AGTPBP1: variants seen among roughly 807,000 people sequenced by gnomAD.
AGTPBP1 encodes the protein ATP/GTP binding carboxypeptidase 1, also known as cytosolic carboxypeptidase 1.
In AGTPBP1, 70 loss-of-function variants were observed where a neutral mutation model predicts 143.9. That is an observed-to-expected ratio of 0.49 (90% CI 0.40 to 0.59). AGTPBP1 has a LOEUF of 0.59. AGTPBP1 is among the 20% of genes least tolerant of loss of function. The pLI, the probability that AGTPBP1 is intolerant of heterozygous loss-of-function variation, is 0.00. For synonymous variants in AGTPBP1, 463 were observed against 500.2 expected (o/e 0.93, Z 0.99); for missense variants, 1,229 against 1,464.5 (o/e 0.84, Z 2.62).
chr9:85,698,859 A>AT (rs926748788), intron 2 of AGTPBP1, among the ~76,000 whole-genome samples: 5 of 151,228 alleles, frequency 3.3e-5, no homozygotes, highest in African/African-American at 1.2e-4. Context: ...CGCCCAGCTC[A>AT]TTTTTTTGTA....
At chr9:85,614,465 T>G (rs1255055613) in intron 17 of AGTPBP1, among the ~76,000 whole-genome samples, 1 of 151,852 alleles carries the variant, frequency 6.6e-6, no homozygotes, top group Non-Finnish European at 1.5e-5. Flanking sequence ...GGTGAAGGCA[T>G]AAAAAAACTT....
intron 17 of AGTPBP1, among the ~76,000 whole-genome samples, chr9:85,598,445 A>T (rs1829437484): frequency 6.6e-6 from 1 of 152,188 alleles, no homozygotes; most frequent in Non-Finnish European, 1.5e-5. Context: ...CTTGTTGATT[A>T]TATTATTCAA....
chr9:85,694,891 A>C (rs1836127862), intron 2 of AGTPBP1, among the ~76,000 whole-genome samples: 1 of 152,208 alleles, frequency 6.6e-6, no homozygotes, highest in Non-Finnish European at 1.5e-5. Flanking sequence ...ACAAATTCAC[A>C]TGAATTCAGT....
rs370875692 is a variant in AGTPBP1 at position 85,735,126 on chromosome 9, A to G, written c.-34+6649T>C. ...AAGCAGCATTATTCACAAGCAACCCAAGTGTCCATTCATCAACGGATGAAT... is the reference window on the plus strand; with the variant it reads ...AAGCAGCATTATTCACAAGCAACCCGAGTGTCCATTCATCAACGGATGAAT... On this transcript the variant is annotated intron_variant, in intron 1 of 25. Coordinates refer to ENST00000357081, the MANE Select transcript of AGTPBP1 (RefSeq NM_001330701.2). 1.1e-4 allele frequency among the ~76,000 whole-genome samples: 17 copies of G among 152,348 alleles called. No homozygotes were observed. The East Asian group carries it at 2.5e-3, about 22-fold the overall frequency.
intron 2 of AGTPBP1, among the ~76,000 whole-genome samples, chr9:85,707,411 G>A (rs1196442667): frequency 6.6e-6 from 1 of 151,942 alleles, no homozygotes; most frequent in Non-Finnish European, 1.5e-5. Context: ...AAAGAAACAT[G>A]CAAAATCATA....
At chr9:85,685,117 T>A (rs1430024092) in intron 3 of AGTPBP1, among the ~76,000 whole-genome samples, 1 of 151,380 alleles carries the variant, frequency 6.6e-6, no homozygotes, top group Admixed American at 6.6e-5. Flanking sequence ...GATATAAGCC[T>A]CAACAACAGC....
At chr9:85,682,172 T>TAAAAAAAAAAA (rs745339958) in intron 3 of AGTPBP1, among the ~76,000 whole-genome samples, 1 of 85,830 alleles carries the variant, frequency 1.2e-5, no homozygotes, top group Non-Finnish European at 2.3e-5. Flanking sequence ...TAGGATTGGT[T>TAAAAAAAAAAA]AAAAAAAAAA....
chr9:85,550,193 G>GAC (rs1286113229), intron 25 of AGTPBP1, among the ~76,000 whole-genome samples: 782 of 57,056 alleles, frequency 0.014, 15 homozygotes, highest in African/African-American at 0.046. Flanking sequence ...GTGTGTGTGT[G>GAC]TGAGAGAGAG....
chr9:85,549,543 T>G (rs1027963290), intron 25 of AGTPBP1, among the ~76,000 whole-genome samples: 2 of 152,040 alleles, frequency 1.3e-5, no homozygotes, highest in African/African-American at 4.8e-5. Flanking sequence ...TATTGCAGAG[T>G]TAATCAATTT....
At chr9:85,605,854 T>C (rs1829958400) in intron 17 of AGTPBP1, among the ~76,000 whole-genome samples, 1 of 152,000 alleles carries the variant, frequency 6.6e-6, no homozygotes, top group East Asian at 1.9e-4. Flanking sequence ...GGTTACAAGA[T>C]GTTATCTGCA....
In AGTPBP1 at chr9:85,561,089, C is replaced by T. The variant is rs1031358510; in HGVS notation, c.3504-13803G>A. Among the ~76,000 whole-genome samples the T allele has an allele frequency of 5.3e-5, 8 of 152,170 alleles. No individual in the cohort carries two copies. In the South Asian group the frequency reaches 1.0e-3, roughly 20 times the overall value. ...ACTTAGCCTTAAAAGAGACCATTTTCGGCCGGGTGTGGTGACTCACGCCCA... is the reference window on the plus strand; with the variant it reads ...ACTTAGCCTTAAAAGAGACCATTTTTGGCCGGGTGTGGTGACTCACGCCCA... On this transcript the variant is annotated intron_variant, in intron 25 of 25. Transcript: ENST00000357081.
intron 11 of AGTPBP1, among the ~76,000 whole-genome samples, chr9:85,652,054 T>C (rs1402942248): frequency 6.6e-6 from 1 of 152,138 alleles, no homozygotes; most frequent in African/African-American, 2.4e-5. Flanking sequence ...GGCTGGTCAC[T>C]AGAAAGATCA....
At chr9:85,752,457 G>A in the AGTPBP1 span, among the ~76,000 whole-genome samples, 2 of 152,116 alleles carry the variant, frequency 1.3e-5, no homozygotes, top group South Asian at 4.1e-4. Context: ...GCTCAGAAAG[G>A]CAGAAGAGAA....
chr9:85,595,018 T>C (rs576593464), intron 18 of AGTPBP1, among the ~76,000 whole-genome samples: 1 of 152,378 alleles, frequency 6.6e-6, no homozygotes, highest in African/African-American at 2.4e-5. Flanking sequence ...ACTATTTTTA[T>C]ATTAGTCTAC....
At chr9:85,728,802 A>G (rs1048964686) in intron 1 of AGTPBP1, among the ~76,000 whole-genome samples, 1 of 151,824 alleles carries the variant, frequency 6.6e-6, no homozygotes, top group African/African-American at 2.4e-5. Flanking sequence ...GGCTTATTTC[A>G]AAATCTTACA....
At chr9:85,638,521 T>C (rs1042144287) in intron 13 of AGTPBP1, among the ~76,000 whole-genome samples, 4 of 152,078 alleles carry the variant, frequency 2.6e-5, no homozygotes, top group African/African-American at 9.7e-5. Flanking sequence ...AGTAATTATA[T>C]GTAAATGATC....
intron 18 of AGTPBP1, among the ~76,000 whole-genome samples, chr9:85,594,376 T>C (rs1196342483): frequency 6.6e-6 from 1 of 152,138 alleles, no homozygotes; most frequent in Non-Finnish European, 1.5e-5. Context: ...CCCAGCACTT[T>C]GGGAGGCTGA....
the AGTPBP1 span, among the ~76,000 whole-genome samples, chr9:85,773,066 C>A: frequency 6.6e-6 from 1 of 151,688 alleles, no homozygotes; most frequent in Admixed American, 6.6e-5. Flanking sequence ...GAGATCGAGA[C>A]CATCCTAGCT....
intron 3 of AGTPBP1, among the ~76,000 whole-genome samples, chr9:85,682,633 A>G (rs1368384370): frequency 2.0e-5 from 3 of 152,202 alleles, no homozygotes; most frequent in South Asian, 4.1e-4. Flanking sequence ...CTCTCAATAC[A>G]GTACATATTC....
Sources: allele counts gnomAD v4.1 joint callset (sites outside exome capture counted in the v4.1 genomes callset), GRCh38; gene constraint gnomAD v4.1.1; transcripts MANE v1.5; gene names NCBI Gene and HGNC (gene_info 2026-07-23, HGNC 2026-07-21).